The following RAD51B variants were observed in gnomAD, a reference collection of about 807,000 sequenced individuals.
RAD51B encodes DNA repair protein RAD51 homolog 2.
RAD51B carries 38 observed loss-of-function variants against 42.2 expected under a neutral mutation model. That is an observed-to-expected ratio of 0.90 (90% CI 0.70 to 1.18). The LOEUF (loss-of-function observed/expected upper bound fraction) is 1.18, where lower values mean the gene tolerates loss of function less well. RAD51B is among the 50% of genes most tolerant of loss of function. The pLI is 0.00. For synonymous variants in RAD51B, 154 were observed against 145.2 expected, an observed-to-expected ratio of 1.06 and a Z score of -0.43; for missense variants, 373 against 400.7, an observed-to-expected ratio of 0.93 and a Z score of 0.59.
At chr14:67,893,469 C>G (rs1181369844) in intron 7 of RAD51B, among the ~76,000 whole-genome samples, 2 of 71,192 alleles carry the variant, frequency 2.8e-5, no homozygotes, top group Non-Finnish European at 5.1e-5. Flanking sequence ...CAGACACAGA[C>G]ACACACACAC....
At chr14:68,344,648 AAAAT>A (rs1248325399) in intron 8 of RAD51B, among the ~76,000 whole-genome samples, 13 of 144,162 alleles carry the variant, frequency 9.0e-5, no homozygotes, top group African/African-American at 2.6e-4. Context: ...CTCCGTCTCA[AAAAT>A]AAATAAATAA....
At chr14:67,950,478 A>G (rs905461695) in intron 7 of RAD51B, among the ~76,000 whole-genome samples, 2 of 152,184 alleles carry the variant, frequency 1.3e-5, no homozygotes, top group African/African-American at 4.8e-5. Context: ...CTTGCTCTGG[A>G]TTAGGCTTTG....
At chr14:68,384,727 A>G (rs1169898515) in intron 8 of RAD51B, among the ~76,000 whole-genome samples, 2 of 152,160 alleles carry the variant, frequency 1.3e-5, no homozygotes, top group African/African-American at 4.8e-5. Flanking sequence ...TAGCGTTTCC[A>G]TACCCAGCTG....
intron 7 of RAD51B, among the ~76,000 whole-genome samples, chr14:67,923,544 C>G (rs2044403882): frequency 1.3e-5 from 2 of 152,052 alleles, no homozygotes; most frequent in Admixed American, 1.3e-4. Flanking sequence ...GGTGATCCGC[C>G]CACCTCAGCC....
chr14:68,672,425 G>T (rs944295587), intron 11 of RAD51B, among the ~76,000 whole-genome samples: 1 of 152,188 alleles, frequency 6.6e-6, no homozygotes, highest in Non-Finnish European at 1.5e-5. Flanking sequence ...TGCCGTCAGA[G>T]AACTCCAATG....
At chr14:68,609,381 C>A (rs1374379737) in intron 10 of RAD51B, among the ~76,000 whole-genome samples, 1 of 152,136 alleles carries the variant, frequency 6.6e-6, no homozygotes, top group Non-Finnish European at 1.5e-5. Flanking sequence ...AATCTCTCAG[C>A]ACGCCCCTTA....
intron 7 of RAD51B, among the ~76,000 whole-genome samples, chr14:68,019,954 T>C (rs760225228): frequency 6.6e-6 from 1 of 152,198 alleles, no homozygotes; most frequent in Non-Finnish European, 1.5e-5. Context: ...AATTTAGTTC[T>C]ATGGCCACAG....
At chr14:68,331,044 G>T (rs1281097640) in intron 8 of RAD51B, among the ~76,000 whole-genome samples, 2 of 151,942 alleles carry the variant, frequency 1.3e-5, no homozygotes, top group Non-Finnish European at 2.9e-5. Flanking sequence ...ACAATTCTAG[G>T]TTTATACATG....
At position 68,204,462 on chromosome 14, in the gene RAD51B, C is replaced by T. The variant is rs1345994597; in HGVS notation, c.757-87422C>T. 2.0e-5 allele frequency among the ~76,000 whole-genome samples: 3 copies of T among 152,134 alleles called. No homozygotes were observed. The East Asian group carries it at 5.8e-4, about 29-fold the overall frequency. On this transcript the variant is annotated intron_variant, in intron 7 of 10. Coordinates refer to ENST00000471583, the MANE Select transcript of RAD51B (RefSeq NM_133510.4). ...CACTGATCACAGGTCACCATAATAACATAATCATAATTGAAAAAGTTAGAA... is the reference window on the plus strand; with the variant it reads ...CACTGATCACAGGTCACCATAATAATATAATCATAATTGAAAAAGTTAGAA...
chr14:68,668,742 G>A (rs571758877), intron 11 of RAD51B, among the ~76,000 whole-genome samples: 1 of 152,192 alleles, frequency 6.6e-6, no homozygotes, highest in African/African-American at 2.4e-5. Context: ...CCCCAGGCAC[G>A]CTGATCCGTG....
chr14:68,331,419 A>T (rs2082350132), intron 8 of RAD51B, among the ~76,000 whole-genome samples: 1 of 144,022 alleles, frequency 6.9e-6, no homozygotes, highest in African/African-American at 2.6e-5. Flanking sequence ...GTTTCAATGG[A>T]TCTATACTTA....
chr14:68,583,159 A>T (rs1234865808), intron 10 of RAD51B, among the ~76,000 whole-genome samples: 4 of 152,188 alleles, frequency 2.6e-5, no homozygotes, highest in Admixed American at 1.3e-4. Flanking sequence ...TAAAAAATAA[A>T]AAAAATTTAA....
chr14:67,855,806 C>A (rs1189931405), intron 4 of RAD51B, among the ~76,000 whole-genome samples: 2 of 152,158 alleles, frequency 1.3e-5, no homozygotes, highest in Non-Finnish European at 2.9e-5. Context: ...TTCAGATGTG[C>A]CCCACAAGTT....
intron 10 of RAD51B, among the ~76,000 whole-genome samples, chr14:68,571,423 G>GT (rs969863575): frequency 6.6e-6 from 1 of 152,198 alleles, no homozygotes; most frequent in Non-Finnish European, 1.5e-5. Context: ...GTGTTGTCTT[G>GT]TTTTTTCCAG....
chr14:68,388,097 T>TATAA (rs1233763551), intron 8 of RAD51B, among the ~76,000 whole-genome samples: 6 of 144,596 alleles, frequency 4.1e-5, no homozygotes, highest in Non-Finnish European at 7.5e-5. Flanking sequence ...TATATATATT[T>TATAA]TTTTTTTTTT....
intron 4 of RAD51B, among the ~76,000 whole-genome samples, chr14:67,847,326 CTTT>C (rs60032578): frequency 0.01 from 1,100 of 105,628 alleles, 11 homozygotes; most frequent in African/African-American, 0.033. Context: ...TTGGTTTGTT[CTTT>C]TTTTTTTTTT....
At chr14:68,573,370 C>T (rs908098199) in intron 10 of RAD51B, among the ~76,000 whole-genome samples, 3 of 152,182 alleles carry the variant, frequency 2.0e-5, no homozygotes, top group African/African-American at 4.8e-5. Context: ...ATCCCTGCCT[C>T]GGTGTCCCTG....
At chr14:68,012,429 A>C (rs200708024) in intron 7 of RAD51B, among the ~76,000 whole-genome samples, 12 of 137,092 alleles carry the variant, frequency 8.8e-5, no homozygotes, top group East Asian at 5.9e-4. Context: ...AAAACAAAGA[A>C]TTTTATATAT....
intron 10 of RAD51B, among the ~76,000 whole-genome samples, chr14:68,580,459 T>C (rs892112025): frequency 8.7e-5 from 13 of 150,260 alleles, no homozygotes; most frequent in African/African-American, 3.0e-4. Context: ...TGCTTCCTCA[T>C]CTGCAAATGG....
Sources: allele counts gnomAD v4.1 joint callset (sites outside exome capture counted in the v4.1 genomes callset), GRCh38; gene constraint gnomAD v4.1.1; transcripts MANE v1.5; gene names NCBI Gene and HGNC (gene_info 2026-07-23, HGNC 2026-07-21).